The following BSN variants were observed in gnomAD, a reference collection of about 807,000 sequenced individuals.
BSN encodes the protein bassoon presynaptic cytomatrix protein.
In BSN, 57 loss-of-function variants were observed where a neutral mutation model predicts 264.8. The observed-to-expected ratio is 0.22, with a 90% CI of 0.17 to 0.27. BSN has a LOEUF of 0.27. Ranked by LOEUF, BSN falls within the 10% of genes least tolerant of loss-of-function variation. The pLI is 1.00. For missense variants in BSN, 4,615 were observed against 5,232.5 expected (o/e 0.88, Z 3.64); for synonymous variants, 2,059 against 2,137.3 (o/e 0.96, Z 1.01).
At chr3:49,621,634 T>C (rs1249645688) in intron 1 of BSN, among the ~76,000 whole-genome samples, 1 of 151,974 alleles carries the variant, frequency 6.6e-6, no homozygotes, top group African/African-American at 2.4e-5. Context: ...GTAATGTCTG[T>C]GGAGTGATGG....
At chr3:49,587,995 A>C (rs1371484374) in intron 1 of BSN, among the ~76,000 whole-genome samples, 2 of 148,290 alleles carry the variant, frequency 1.3e-5, no homozygotes, top group Admixed American at 1.4e-4. Flanking sequence ...AATCTCGGCT[A>C]ACTGCAACCT....
intron 1 of BSN, among the ~76,000 whole-genome samples, chr3:49,591,878 G>A (rs527856697): frequency 2.0e-4 from 30 of 152,046 alleles, no homozygotes; most frequent in Admixed American, 2.6e-4. Flanking sequence ...ATGAACCACC[G>A]CCCCCAGCCT....
chr3:49,590,507 G>A (rs908664131), intron 1 of BSN, among the ~76,000 whole-genome samples: 2 of 151,734 alleles, frequency 1.3e-5, no homozygotes, highest in Admixed American at 6.6e-5. Context: ...ATTTTCTAGT[G>A]TAACATTTTA....
Position 49,658,025 on chromosome 3 carries a change from T to C in BSN, c.8469T>C (p.Ser2823=), listed in dbSNP as rs2052625206. 1 of 1,613,248 alleles carries C rather than the reference T, an allele frequency of 6.2e-7. No individual in the cohort carries two copies. The highest frequency in any genetic ancestry group is 1.3e-5 in the African/African-American group (1 of 74,802). Residue 2823 remains serine, a synonymous_variant, in exon 5 of 12, where the codon AGT becomes AGC. Transcript: ENST00000296452. Reference sequence around the variant, plus strand: ...AGAGGCTGAACAAAGCTCACGTGAGTCCCCAGAAGCACTTCACGGCTGACA... The same window carrying C: ...AGAGGCTGAACAAAGCTCACGTGAGCCCCCAGAAGCACTTCACGGCTGACA... The part of the protein sequence containing the change: ...SSERLNKAHV[S]PQKHFTADSA...
rs2052746826 is a variant in BSN at position 49,670,434 on chromosome 3, C to G, written c.*2949C>G. On this transcript the variant is annotated 3_prime_UTR_variant, in exon 12 of 12. Transcript: ENST00000296452. ...GGCCAAGCCCTCTGAGTTTGAAATTCTGACATCTGCCACTCCTCATCCCCC... is the reference window on the plus strand; with the variant it reads ...GGCCAAGCCCTCTGAGTTTGAAATTGTGACATCTGCCACTCCTCATCCCCC... The G allele has an allele frequency of 6.6e-6, 1 of 152,348 alleles. No homozygotes were observed. The highest frequency in any genetic ancestry group is 2.4e-5 in the African/African-American group (1 of 41,466). The allele number at this position is 152,348 out of a possible 1,614,324, so 9.4% of individuals were successfully genotyped here. A position where few individuals can be genotyped will look rare whatever the true frequency, so the allele number is the denominator to read the frequency against.
At chr3:49,613,303 C>CGAGAGAGAGGGAGAGAGAGAGA (rs2052223823) in intron 1 of BSN, among the ~76,000 whole-genome samples, 1 of 47,332 alleles carries the variant, frequency 2.1e-5, no homozygotes, top group Non-Finnish European at 4.0e-5. Flanking sequence ...ACACACAGAG[C>CGAGAGAGAGGGAGAGAGAGAGA]GAGAGAGAGA....
At chr3:49,621,167 A>G (rs1410894161) in intron 1 of BSN, among the ~76,000 whole-genome samples, 1 of 152,168 alleles carries the variant, frequency 6.6e-6, no homozygotes, top group Non-Finnish European at 1.5e-5. Flanking sequence ...CAAGGTGGAG[A>G]TGCCTACAGG....
In BSN at chr3:49,661,215, A is replaced by T. The variant is rs1373097659; in HGVS notation, c.9370A>T (p.Met3124Leu). 2 of 1,613,486 alleles carry T rather than the reference A, an allele frequency of 1.2e-6. No homozygotes were observed. Among genetic ancestry groups the T allele is most frequent in the African/African-American group, 2.7e-5 (2 of 74,922 alleles). The change falls in exon 6 of 12, where the codon ATG becomes TTG. Residue 3124 changes from methionine to leucine, a missense_variant. Physicochemically the swap from Met to Leu is conservative, Grantham distance 15. Coordinates refer to ENST00000296452, the MANE Select transcript of BSN (RefSeq NM_003458.4). ...PTGHYAGQTP[M>L]PTTQSTLFPV... ...AGGCCACTATGCAGGCCAAACACCCATGCCAACCACACAGAGCACCCTTTT... is the reference window on the plus strand; with the variant it reads ...AGGCCACTATGCAGGCCAAACACCCTTGCCAACCACACAGAGCACCCTTTT...
chr3:49,625,465 A>C lies in BSN; in HGVS notation c.633+82A>C. On this transcript the variant is annotated intron_variant, in intron 2 of 11. Coordinates refer to ENST00000296452, the MANE Select transcript of BSN (RefSeq NM_003458.4). This position sits in a 1 kb window ranked among gnomAD's most constrained non-coding sequence, Gnocchi z 4.4. Reference sequence around the variant, plus strand: ...CTGGTTCCCTTCCCCTCTTTCACCAACTCTCTTTTCCTGGTCATTTCCCTT... The same window carrying C: ...CTGGTTCCCTTCCCCTCTTTCACCACCTCTCTTTTCCTGGTCATTTCCCTT... 7.8e-7 allele frequency: 1 copy of C among 1,279,842 alleles called. No homozygotes were observed. Among genetic ancestry groups the C allele is most frequent in the South Asian group, 2.0e-5 (1 of 49,592 alleles). 79.3% of individuals were successfully genotyped at this position (1,279,842 alleles called of 1,614,324 possible). A position where few individuals can be genotyped will look rare whatever the true frequency, so the allele number is the denominator to read the frequency against.
intron 1 of BSN, among the ~76,000 whole-genome samples, chr3:49,557,150 G>A (rs1217089925): frequency 6.6e-6 from 1 of 152,186 alleles, no homozygotes; most frequent in Non-Finnish European, 1.5e-5. Context: ...TCGGGATGAT[G>A]TGGAGCTTTG....
At position 49,662,116 on chromosome 3, in the gene BSN, G is replaced by C; in HGVS notation, c.10271G>C (p.Gly3424Ala). ...GTGTATGAGCAGCAAAAATACTATG[G>C]GATGTCCAGCCGGGACGCAGTGGAG... is the stretch of plus-strand genomic sequence containing the variant. ...KNVYEQQKYY[G>A]MSSRDAVEDD... The change falls in exon 6 of 12, where the codon GGG becomes GCG. Residue 3424 changes from glycine to alanine, a missense_variant. Physicochemically the swap from Gly to Ala is moderately conservative, Grantham distance 60. This residue lies in a region of BSN where 3,415 missense variants were observed against 3,866.4 expected (regional missense o/e 0.88). Transcript: ENST00000296452. 1 of 1,613,500 alleles carries C rather than the reference G, an allele frequency of 6.2e-7. No individual in the cohort carries two copies. Among genetic ancestry groups the C allele is most frequent in the African/African-American group, 1.3e-5 (1 of 75,064 alleles).
chr3:49,653,328 G>C lies in BSN; in HGVS notation c.3772G>C (p.Glu1258Gln), dbSNP rs777202314. Reference sequence around the variant, plus strand: ...AGCCAGCCTGGGAGCAGCCGTGTACGAAGAAATCCTTCAGACATCACAGAG... The same window carrying C: ...AGCCAGCCTGGGAGCAGCCGTGTACCAAGAAATCCTTCAGACATCACAGAG... ...TPASLGAAVY[E>Q]EILQTSQSIV... Residue 1258 changes from glutamate to glutamine, a missense_variant, in exon 5 of 12, where the codon GAA becomes CAA. By Grantham distance (29) the Glu-to-Gln change is conservative (BLOSUM62 2). This residue lies in a region of BSN where 3,415 missense variants were observed against 3,866.4 expected (regional missense o/e 0.88). Transcript: ENST00000296452. The surrounding 1 kb of genome is among the most constrained non-coding windows in gnomAD (Gnocchi z 6.3). 1 of 1,611,968 alleles carries C rather than the reference G, an allele frequency of 6.2e-7. No homozygotes were observed. The highest frequency in any genetic ancestry group is 8.5e-7 in the Non-Finnish European group (1 of 1,179,372).
chr3:49,610,599 A>AAAC lies in BSN; in HGVS notation c.225-14374_225-14373insCAA, dbSNP rs1553662626. ...AATTTCATCTCAAAAAAAAAAAAAA[A>AAAC]AAAAAAACAAGTAGGCCTGATTTCT... On this transcript the variant is annotated intron_variant, in intron 1 of 11. Transcript: ENST00000296452. Among the ~76,000 whole-genome samples, 3 of 151,184 alleles carry AAAC rather than the reference A, an allele frequency of 2.0e-5. No individual in the cohort carries two copies. The East Asian group carries it at 5.8e-4, about 29-fold the overall frequency.
In BSN at chr3:49,653,887, C is replaced by T. The variant is rs760111698; in HGVS notation, c.4331C>T (p.Ala1444Val). ...CCCCAGGCCCCCAGTGGCCTTGCTG[C>T]AGCTGGACGAGCTGCTAGAGAGAAG... ...DLPQAPSGLAAAGRAAREKPL... is the reference protein window; with the variant it reads ...DLPQAPSGLAVAGRAAREKPL... Residue 1444 changes from alanine to valine, a missense_variant, in exon 5 of 12, where the codon GCA becomes GTA. Physicochemically the swap from Ala to Val is moderately conservative, Grantham distance 64 (BLOSUM62 0). Transcript: ENST00000296452. This position sits in a 1 kb window ranked among gnomAD's most constrained non-coding sequence, Gnocchi z 6.3. 4 of 1,614,074 alleles carry T rather than the reference C, an allele frequency of 2.5e-6. No homozygotes were observed. The highest frequency in any genetic ancestry group is 3.4e-6 in the Non-Finnish European group (4 of 1,179,954).
chr3:49,671,530 G>C lies in BSN; in HGVS notation c.*4045G>C, dbSNP rs1009147781. On this transcript the variant is annotated 3_prime_UTR_variant, in exon 12 of 12. Transcript: ENST00000296452. The surrounding 1 kb of genome is among the most constrained non-coding windows in gnomAD (Gnocchi z 4.1). ...TAATTCTGTGGTATCAGAATAAAAG[G>C]ACTTGATATAAACAACCTACAGACT... 6.6e-6 allele frequency: 1 copy of C among 152,626 alleles called. No homozygotes were observed. The highest frequency in any genetic ancestry group is 1.5e-5 in the Non-Finnish European group (1 of 68,042). 9.5% of individuals were successfully genotyped at this position (152,626 alleles called of 1,614,324 possible).
chr3:49,642,937 A>G lies in BSN; in HGVS notation c.1303A>G (p.Thr435Ala), dbSNP rs1401518456. ...TGGAGCCCTGCCGAAAACTGGGGGA[A>G]CAACCAGTCCAAAGCATGGCAGAGC... ...GPGALPKTGG[T>A]TSPKHGRAEH... The change falls in exon 3 of 12, where the codon ACA (threonine) becomes GCA (alanine). Residue 435 changes from threonine (T) to alanine (A), a missense_variant. Coordinates refer to ENST00000296452, the MANE Select transcript of BSN (RefSeq NM_003458.4). The surrounding 1 kb of genome is among the most constrained non-coding windows in gnomAD (Gnocchi z 7.0). 6.2e-7 allele frequency: 1 copy of G among 1,613,964 alleles called. No homozygotes were observed. Among genetic ancestry groups the G allele is most frequent in the Non-Finnish European group, 8.5e-7 (1 of 1,180,028 alleles).
Position 49,643,168 on chromosome 3 carries a change from A to G in BSN, c.1518+16A>G, listed in dbSNP as rs1435576488. 8.1e-6 allele frequency: 13 copies of G among 1,596,374 alleles called. No individual in the cohort carries two copies. Among genetic ancestry groups the G allele is most frequent in the Non-Finnish European group, 1.1e-5 (13 of 1,168,894 alleles). On this transcript the variant is annotated intron_variant, in intron 3 of 11. Coordinates refer to ENST00000296452, the MANE Select transcript of BSN (RefSeq NM_003458.4). ...CCTGGTGGAGGTAAGAGCTGGACCA[A>G]GCATGCTCCCTTGAACCTTGATGAG...
At position 49,660,980 on chromosome 3, in the gene BSN, C is replaced by T. The variant is rs373255318; in HGVS notation, c.9135C>T (p.Pro3045=). Residue 3045 remains proline, a synonymous_variant, in exon 6 of 12, where the codon CCC becomes CCT. Transcript: ENST00000296452. This position sits in a 1 kb window ranked among gnomAD's most constrained non-coding sequence, Gnocchi z 7.1. ...CCACTGCCGCTGCTCCTGCCACCCC[C>T]TCTGGTCCCACTGCCTTCCAGCAGC... The part of the protein sequence containing the change: ...FPATAAAPAT[P]SGPTAFQQPR... The T allele has an allele frequency of 4.4e-5, 71 of 1,611,604 alleles. No homozygotes were observed. The highest frequency in any genetic ancestry group is 1.3e-4 in the Admixed American group (8 of 60,008).
At position 49,664,803 on chromosome 3, in the gene BSN, C is replaced by A; in HGVS notation, c.11745C>A (p.Val3915=). The change falls in exon 10 of 12, where the codon GTC becomes GTA. Residue 3915 remains valine (V), a synonymous_variant. Coordinates refer to ENST00000296452, the MANE Select transcript of BSN (RefSeq NM_003458.4). Reference sequence around the variant, plus strand: ...TCTCCTCTTTCTTTGTCACAGCTGTCTCTGCTTTTGGCAAAAAATTTTCCT... The same window carrying A: ...TCTCCTCTTTCTTTGTCACAGCTGTATCTGCTTTTGGCAAAAAATTTTCCT... ...AEQAGKLTEA[V]SAFGKKFSSF... 1 of 1,613,704 alleles carries A rather than the reference C, an allele frequency of 6.2e-7. No individual in the cohort carries two copies. The highest frequency in any genetic ancestry group is 8.5e-7 in the Non-Finnish European group (1 of 1,179,978).
Sources: gnomAD v4.1 joint callset for allele counts (sites outside exome capture counted in the v4.1 genomes callset) on GRCh38, gnomAD v4.1.1 for gene constraint, gnomAD v4.1.1 regional missense constraint, Gnocchi (gnomAD v3.1) non-coding constraint, MANE v1.5 for transcripts, NCBI Gene and HGNC (gene_info 2026-07-23, HGNC 2026-07-21) for gene names.